SRGAP2C: variants seen among roughly 807,000 people sequenced by gnomAD.
SRGAP2C encodes the protein SLIT-ROBO Rho GTPase activating protein 2C, also known as SLIT-ROBO Rho GTPase-activating protein 2C.
In SRGAP2C, 15 loss-of-function variants were observed where a neutral mutation model predicts 25.1. The ratio of observed to expected loss-of-function variants is 0.60; its 90% CI spans 0.40 to 0.92. The LOEUF is 0.92. Ranked by LOEUF, SRGAP2C falls within the 40% of genes least tolerant of loss-of-function variation. The pLI is 0.00. For synonymous variants in SRGAP2C, 44 were observed against 96.6 expected, an observed-to-expected ratio of 0.46 and a Z score of 3.19; for missense variants, 144 against 264.4, an observed-to-expected ratio of 0.54 and a Z score of 3.16.
chr1:121,296,443 G>C (rs1404254358), intron 3 of SRGAP2C, among the ~76,000 whole-genome samples: 6 of 86,900 alleles, frequency 6.9e-5, no homozygotes, highest in Admixed American at 1.4e-4. Context: ...ACCTAATTAT[G>C]TATCAGGAAT....
chr1:121,269,848 A>C (rs1656896263), intron 2 of SRGAP2C, among the ~76,000 whole-genome samples: 1 of 147,040 alleles, frequency 6.8e-6, no homozygotes, highest in Non-Finnish European at 1.5e-5. Flanking sequence ...ATTTTTAGTT[A>C]TATCTTCACT....
intron 2 of SRGAP2C, among the ~76,000 whole-genome samples, chr1:121,189,094 G>GTT (rs1329333047): frequency 6.3e-5 from 2 of 31,888 alleles, no homozygotes; most frequent in African/African-American, 4.2e-4. Flanking sequence ...AACCAGATAT[G>GTT]TCTTTTTTTT....
chr1:121,340,103 T>C (rs1658616995), intron 4 of SRGAP2C, among the ~76,000 whole-genome samples: 1 of 150,700 alleles, frequency 6.6e-6, no homozygotes, highest in Admixed American at 6.6e-5. Flanking sequence ...AGAAAGGAAA[T>C]ACAGAGAACA....
Position 121,185,000 on chromosome 1 carries a change from G to A in SRGAP2C, c.-667G>A, listed in dbSNP as rs1196681799. 3 of 506,580 alleles carry A rather than the reference G, an allele frequency of 5.9e-6. No homozygotes were observed. Among genetic ancestry groups the A allele is most frequent in the African/African-American group, 2.1e-5 (1 of 47,272 alleles). 31.4% of individuals were successfully genotyped at this position (506,580 alleles called of 1,614,324 possible). ...GGGGTCCTGCGGAGTTGGCGGAGGC[G>A]GCGGAGGCTCCTCCAGGGACTGGGG... is the stretch of plus-strand genomic sequence containing the variant. On this transcript the variant is annotated 5_prime_UTR_variant, in exon 1 of 10. Transcript: ENST00000367123.
At chr1:121,308,027 C>T (rs1281018907) in intron 3 of SRGAP2C, among the ~76,000 whole-genome samples, 1 of 151,982 alleles carries the variant, frequency 6.6e-6, no homozygotes. Flanking sequence ...CAGTTTTGCT[C>T]CCTCTGGGTT....
chr1:121,314,405 T>G (rs1658045764), intron 3 of SRGAP2C, among the ~76,000 whole-genome samples: 2 of 152,238 alleles, frequency 1.3e-5, no homozygotes, highest in Non-Finnish European at 2.9e-5. Flanking sequence ...TTTGATCGTC[T>G]GAAGCCTTCT....
intron 4 of SRGAP2C, chr1:121,360,928 T>C (rs1553348457): frequency 6.9e-6 from 1 of 145,514 alleles, no homozygotes; most frequent in African/African-American, 2.6e-5. Flanking sequence ...TGGGGAGATA[T>C]GTGCCCTTGA....
In SRGAP2C at chr1:121,212,958, CA is replaced by C. The variant is rs1263426323; in HGVS notation, c.67+25449del. On this transcript the variant is annotated intron_variant, in intron 2 of 9. Transcript: ENST00000367123. ...GTAAGCAGGTATATGGGGCTAAAAT[CA>C]AAAGGTTGAAGCACCTCCAGTTTGA... 7.8e-5 allele frequency among the ~76,000 whole-genome samples: 11 copies of C among 140,656 alleles called. No individual in the cohort carries two copies. In the East Asian group the frequency reaches 1.6e-3, roughly 21 times the overall value. 92.3% of individuals were successfully genotyped at this position (140,656 alleles called of 152,430 possible).
At position 121,223,351 on chromosome 1, in the gene SRGAP2C, T is replaced by TTGTGTGTGTG. The variant is rs56123915; in HGVS notation, c.67+35874_67+35883dup. ...ATTATTTTTTAATGCTGGGAGGAGT[T>TTGTGTGTGTG]TGTGTGTGTGTGTGTGTGTGTGTGT... On this transcript the variant is annotated intron_variant, in intron 2 of 9. Transcript: ENST00000367123. 5.9e-3 allele frequency among the ~76,000 whole-genome samples: 382 copies of TTGTGTGTGTG among 64,838 alleles called. 8 individuals carry two copies. The highest frequency in any genetic ancestry group is 0.025 in the South Asian group (50 of 2,020). 42.5% of individuals were successfully genotyped at this position (64,838 alleles called of 152,430 possible).
chr1:121,329,476 T>C (rs1343407474), intron 4 of SRGAP2C, among the ~76,000 whole-genome samples: 2 of 136,402 alleles, frequency 1.5e-5, no homozygotes, highest in African/African-American at 5.6e-5. Context: ...TTGGATTGTT[T>C]TTCCTACCTG....
At chr1:121,366,225 G>C (rs1196311973) in intron 5 of SRGAP2C, among the ~76,000 whole-genome samples, 1 of 148,586 alleles carries the variant, frequency 6.7e-6, no homozygotes, top group African/African-American at 2.5e-5. Flanking sequence ...CTGTTTGAAG[G>C]TGATACTGAT....
intron 3 of SRGAP2C, 55 bp from the exon 4 acceptor site, chr1:121,324,423 T>A (rs1366987884): frequency 3.3e-6 from 5 of 1,534,286 alleles, no homozygotes; most frequent in African/African-American, 1.4e-5. Context: ...TAGTTGTAGA[T>A]GTTGCCCTGG....
At chr1:121,329,492 G>A (rs1479615854) in intron 4 of SRGAP2C, among the ~76,000 whole-genome samples, 1 of 138,250 alleles carries the variant, frequency 7.2e-6, no homozygotes, top group African/African-American at 2.7e-5. Context: ...ACCTGGGGTT[G>A]GGGCAAGCAG....
At chr1:121,357,738 AC>A (rs1271052023) in intron 4 of SRGAP2C, among the ~76,000 whole-genome samples, 2 of 98,726 alleles carry the variant, frequency 2.0e-5, no homozygotes, top group Non-Finnish European at 4.0e-5. Flanking sequence ...TCGCAATTCC[AC>A]ATAGCATCTT....
chr1:121,304,560 GA>G, intron 3 of SRGAP2C, among the ~76,000 whole-genome samples: 1 of 150,716 alleles, frequency 6.6e-6, no homozygotes, highest in Non-Finnish European at 1.5e-5. Flanking sequence ...GGGAATGAGT[GA>G]AAAGAAAGCA....
chr1:121,315,281 G>A (rs1275259087), intron 3 of SRGAP2C, among the ~76,000 whole-genome samples: 1 of 152,114 alleles, frequency 6.6e-6, no homozygotes, highest in Admixed American at 6.5e-5. Context: ...GTAGCCAGGA[G>A]TACAGGCACG....
At chr1:121,307,290 C>T (rs2101591700) in intron 3 of SRGAP2C, among the ~76,000 whole-genome samples, 2 of 151,318 alleles carry the variant, frequency 1.3e-5, no homozygotes, top group East Asian at 3.9e-4. Flanking sequence ...TTCTCTTCTA[C>T]TGTTGCCTAC....
intron 2 of SRGAP2C, among the ~76,000 whole-genome samples, chr1:121,238,726 G>A (rs1231848546): frequency 2.7e-5 from 4 of 150,152 alleles, no homozygotes; most frequent in Non-Finnish European, 4.4e-5. Context: ...TGATCCTCTT[G>A]CCTCAGCCTG....
intron 2 of SRGAP2C, among the ~76,000 whole-genome samples, chr1:121,220,992 T>C (rs1553325505): frequency 1.4e-5 from 2 of 143,556 alleles, no homozygotes; most frequent in African/African-American, 2.6e-5. Context: ...AACCTCCACC[T>C]CCTGGGTTCA....
Sources: gnomAD v4.1 joint callset for allele counts (sites outside exome capture counted in the v4.1 genomes callset) on GRCh38, gnomAD v4.1.1 for gene constraint, MANE v1.5 for transcripts, NCBI Gene and HGNC (gene_info 2026-07-23, HGNC 2026-07-21) for gene names.